F5: variants seen among roughly 807,000 people sequenced by gnomAD.
The protein encoded by F5 is activated protein c cofactor.
In F5, 138 loss-of-function variants were observed where a neutral mutation model predicts 216.4. The ratio of observed to expected loss-of-function variants is 0.64; its 90% CI spans 0.56 to 0.73. F5 has a LOEUF of 0.73. F5 is among the 30% of genes least tolerant of loss of function. The probability of loss-of-function intolerance (pLI) is 0.00; values close to 1 mark genes in which losing one functional copy is unlikely to be tolerated. For synonymous variants in F5, 916 were observed against 930.7 expected, an observed-to-expected ratio of 0.98 and a Z score of 0.29; for missense variants, 2,403 against 2,674.0, an observed-to-expected ratio of 0.90 and a Z score of 2.24.
At position 169,541,630 on chromosome 1, in the gene F5, T is replaced by C. The variant is rs751713282; in HGVS notation, c.3460A>G (p.Ser1154Gly). Residue 1154 changes from serine to glycine, a missense_variant, in exon 13 of 25, where the codon AGT becomes GGT. By Grantham distance (56) the Ser-to-Gly change is moderately conservative (BLOSUM62 0). This residue lies in a region of F5 where 1,425 missense variants were observed against 1,554.8 expected (regional missense o/e 0.92). Coordinates refer to ENST00000367797, the MANE Select transcript of F5 (RefSeq NM_000130.5). ...PSHRSSSPEL[S>G]EMLEYDRSHK... ...CTTCGGTCATACTCAAGCATTTCAC[T>C]GAGCTCTGGAGAAGAGGATCTGTGA... 2 of 1,614,028 alleles carry C rather than the reference T, an allele frequency of 1.2e-6. No individual in the cohort carries two copies. The highest frequency in any genetic ancestry group is 1.3e-5 in the African/African-American group (1 of 74,930).
intron 15 of F5, 46 bp downstream of exon 15, chr1:169,530,740 T>C (rs558333584): frequency 6.6e-7 from 1 of 1,525,172 alleles, no homozygotes; most frequent in South Asian, 1.1e-5. Context: ...GGACTTCAGA[T>C]TACGAGGTTA....
intron 10 of F5, among the ~76,000 whole-genome samples, chr1:169,548,492 T>A (rs1660068716): frequency 6.6e-6 from 1 of 152,062 alleles, no homozygotes; most frequent in South Asian, 2.1e-4. Flanking sequence ...TTTATGAGAG[T>A]CCATTGTGTA....
rs1161419857 is a variant in F5 at position 169,520,671 on chromosome 1, G to T, written c.6049-7C>A. On this transcript the variant is annotated splice_polypyrimidine_tract_variant and splice_region_variant and intron_variant, in intron 21 of 24. Transcript: ENST00000367797. ...CTGAATTGCCATTAAAATACTAGAA[G>T]AAAAGAGGAAAGTTTAGTTATGTAA... is the stretch of plus-strand genomic sequence containing the variant. 6.2e-7 allele frequency: 1 copy of T among 1,612,012 alleles called. No homozygotes were observed. Among genetic ancestry groups the T allele is most frequent in the Non-Finnish European group, 8.5e-7 (1 of 1,178,426 alleles).
rs557869574 is a variant in F5, at chr1:169,523,846, A to C, written c.5847T>G (p.Ser1949Arg). 29 of 1,613,750 alleles carry C rather than the reference A, an allele frequency of 1.8e-5. No homozygotes were observed. The highest frequency in any genetic ancestry group is 2.5e-5 in the Non-Finnish European group (29 of 1,179,942). Residue 1949 changes from serine (S) to arginine (R), a missense_variant, in exon 20 of 25, where the codon AGT becomes AGG. This residue lies in a region of F5 where 659 missense variants were observed against 787.9 expected (regional missense o/e 0.84). Coordinates refer to ENST00000367797, the MANE Select transcript of F5 (RefSeq NM_000130.5). ...CAAATTCTGCTGCAAGTTTTTCTAC[A>C]CTCCAAGCATTATAAGATCCACCAT... ...LNNGGSYNAW[S>R]VEKLAAEFAS...
At chr1:169,571,330 T>C (rs1243387544) in intron 3 of F5, among the ~76,000 whole-genome samples, 1 of 152,166 alleles carries the variant, frequency 6.6e-6, no homozygotes, top group East Asian at 1.9e-4. Flanking sequence ...CCAGGAACCA[T>C]GTTTAGTACT....
chr1:169,553,570 G>A (rs551734875), intron 7 of F5, among the ~76,000 whole-genome samples: 1 of 152,270 alleles, frequency 6.6e-6, no homozygotes, highest in African/African-American at 2.4e-5. Context: ...TATATTTTTT[G>A]TATTTTGTAT....
intron 10 of F5, among the ~76,000 whole-genome samples, chr1:169,548,843 T>C (rs529749659): frequency 6.9e-6 from 1 of 145,754 alleles, no homozygotes; most frequent in African/African-American, 2.6e-5. Flanking sequence ...CTCTCCAGCC[T>C]GGGTGACAGA....
chr1:169,526,854 AAATT>A (rs1408181914), intron 17 of F5, among the ~76,000 whole-genome samples: 2 of 151,288 alleles, frequency 1.3e-5, no homozygotes, highest in East Asian at 1.9e-4. Flanking sequence ...TTAATACAAT[AAATT>A]ATCTATTAAT....
intron 14 of F5, among the ~76,000 whole-genome samples, chr1:169,534,678 A>G (rs1659666551): frequency 6.6e-6 from 1 of 152,046 alleles, no homozygotes; most frequent in Non-Finnish European, 1.5e-5. Context: ...AAAAAAAAAA[A>G]AAAGAAAGAA....
In F5 at chr1:169,584,403, G is replaced by T. The variant is rs146699498; in HGVS notation, c.158+1826C>A. ...AAAATCATATAAAGCTAGAACCCTA[G>T]AAGGAAAATGTATGTATATCTTTTC... On this transcript the variant is annotated intron_variant, in intron 1 of 24. Transcript: ENST00000367797. Among the ~76,000 whole-genome samples the T allele has an allele frequency of 2.3e-3, 344 of 152,310 alleles. 5 individuals carry two copies. Among genetic ancestry groups the T allele is most frequent in the East Asian group, 0.017 (89 of 5,188 alleles).
intron 3 of F5, among the ~76,000 whole-genome samples, chr1:169,567,447 T>A (rs552896498): frequency 6.6e-6 from 1 of 151,902 alleles, no homozygotes; most frequent in Non-Finnish European, 1.5e-5. Flanking sequence ...GATTTCAGTA[T>A]GTGAATTTTT....
Position 169,530,653 on chromosome 1 carries a change from AACC to A in F5, c.5208+130_5208+132del, listed in dbSNP as rs1244168735. Reference sequence around the variant, plus strand: ...CTGGTTATGATAAATGCAGACTGTTAACCACACCCTTATGCATTCCTCATGAAA... The same window carrying A: ...CTGGTTATGATAAATGCAGACTGTTAACACCCTTATGCATTCCTCATGAAA... On this transcript the variant is annotated intron_variant, in intron 15 of 24. Coordinates refer to ENST00000367797, the MANE Select transcript of F5 (RefSeq NM_000130.5). The A allele has an allele frequency of 1.4e-5, 11 of 811,902 alleles. No homozygotes were observed. The African/African-American group carries it at 1.8e-4, about 14-fold the overall frequency. The allele number at this position is 811,902 out of a possible 1,614,324, so 50.3% of individuals were successfully genotyped here. A position where few individuals can be genotyped will look rare whatever the true frequency, so the allele number is the denominator to read the frequency against.
chr1:169,577,892 ACAACAATAGTTCATGCTG>A (rs1660900150), intron 2 of F5, among the ~76,000 whole-genome samples: 1 of 151,986 alleles, frequency 6.6e-6, no homozygotes. Flanking sequence ...AGAACTAACA[ACAACAATAGTTCATGCTG>A]CAGGAGTGAG....
In F5 at chr1:169,523,792, A is replaced by T; in HGVS notation, c.5892+9T>A. On this transcript the variant is annotated intron_variant, in intron 20 of 24. Coordinates refer to ENST00000367797, the MANE Select transcript of F5 (RefSeq NM_000130.5). Reference sequence around the variant, plus strand: ...TAGCAGTAAATATTATCAGTCTATTAAGACAAACCTGGATCCAAGGTTTAG... The same window carrying T: ...TAGCAGTAAATATTATCAGTCTATTTAGACAAACCTGGATCCAAGGTTTAG... 1 of 1,599,300 alleles carries T rather than the reference A, an allele frequency of 6.3e-7. No individual in the cohort carries two copies. Among genetic ancestry groups the T allele is most frequent in the Non-Finnish European group, 8.6e-7 (1 of 1,166,836 alleles).
intron 3 of F5, among the ~76,000 whole-genome samples, chr1:169,562,676 G>A (rs1281494769): frequency 6.6e-6 from 1 of 151,620 alleles, no homozygotes; most frequent in East Asian, 1.9e-4. Flanking sequence ...TTTTTAACTT[G>A]TCACAAACTT....
chr1:169,541,239 G>T lies in F5; in HGVS notation c.3851C>A (p.Thr1284Asn). The T allele has an allele frequency of 6.3e-7, 1 of 1,590,754 alleles. No individual in the cohort carries two copies. The highest frequency in any genetic ancestry group is 8.6e-7 in the Non-Finnish European group (1 of 1,164,954). The change falls in exon 13 of 25, where the codon ACC becomes AAC. Residue 1284 changes from threonine to asparagine, a missense_variant. Physicochemically the swap from Thr to Asn is moderately conservative, Grantham distance 65. Transcript: ENST00000367797. ...TGTCTGGCTGAAGTCTAGAGAAAGG[G>T]TTGTATGGCTGAGGTCTGGAGAAAG... is the stretch of plus-strand genomic sequence containing the variant. Reference protein sequence around the residue: ...MPLSPDLSHTTLSLDFSQTNL... With the variant: ...MPLSPDLSHTNLSLDFSQTNL...
intron 11 of F5, among the ~76,000 whole-genome samples, chr1:169,544,745 C>T (rs947344668): frequency 2.6e-5 from 4 of 152,202 alleles, no homozygotes; most frequent in Non-Finnish European, 5.9e-5. Context: ...TAAAGCCTTC[C>T]ATTTACATTG....
At chr1:169,537,335 G>A (rs1269942786) in intron 13 of F5, among the ~76,000 whole-genome samples, 1 of 152,118 alleles carries the variant, frequency 6.6e-6, no homozygotes, top group Non-Finnish European at 1.5e-5. Context: ...GTCACTGGAT[G>A]GGTGAATGTT....
In F5 at chr1:169,541,934, T is replaced by G. The variant is rs768824502; in HGVS notation, c.3156A>C (p.Arg1052Ser). Reference sequence around the variant, plus strand: ...CTGAAAATGTGTTGTAGGCTTCACTTCTTAGAGGGTGAAAGGTCCTCGGAG... The same window carrying G: ...CTGAAAATGTGTTGTAGGCTTCACTGCTTAGAGGGTGAAAGGTCCTCGGAG... ...PLSPRTFHPL[R>S]SEAYNTFSER... Residue 1052 changes from arginine to serine, a missense_variant, in exon 13 of 25, where the codon AGA becomes AGC. Arg to Ser is a moderately radical substitution (Grantham distance 110). This residue lies in a region of F5 where 1,425 missense variants were observed against 1,554.8 expected (regional missense o/e 0.92). Transcript: ENST00000367797. 6.2e-7 allele frequency: 1 copy of G among 1,614,148 alleles called. No individual in the cohort carries two copies. Among genetic ancestry groups the G allele is most frequent in the Admixed American group, 1.7e-5 (1 of 60,024 alleles).
Sources: allele counts gnomAD v4.1 joint callset (sites outside exome capture counted in the v4.1 genomes callset), GRCh38; gene constraint gnomAD v4.1.1; regional missense constraint gnomAD v4.1.1; transcripts MANE v1.5; gene names NCBI Gene and HGNC (gene_info 2026-07-23, HGNC 2026-07-21).